TENM2: variants seen among roughly 807,000 people sequenced by gnomAD.
TENM2 encodes the protein teneurin-2.
TENM2 carries 52 observed loss-of-function variants against 245.2 expected under a neutral mutation model. The observed-to-expected ratio is 0.21, with a 90% CI of 0.17 to 0.27. The LOEUF (loss-of-function observed/expected upper bound fraction) is 0.27, where lower values mean the gene tolerates loss of function less well. Among genes scored for constraint, TENM2 ranks in the 10% least tolerant of loss-of-function variants. TENM2 has a pLI of 1.00. For missense variants in TENM2, 3,046 were observed against 3,666.8 expected (o/e 0.83, Z 4.37); for synonymous variants, 1,363 against 1,438.9 (o/e 0.95, Z 1.19).
chr5:168,012,774 G>GAAAAAAA (rs3056563), intron 5 of TENM2, among the ~76,000 whole-genome samples: 40 of 74,280 alleles, frequency 5.4e-4, no homozygotes, highest in African/African-American at 2.0e-3. Context: ...AAGAACAACT[G>GAAAAAAA]AAAAAAAAAA....
intron 2 of TENM2, among the ~76,000 whole-genome samples, chr5:167,727,171 G>A (rs1330756573): frequency 4.2e-5 from 6 of 144,158 alleles, no homozygotes; most frequent in Middle Eastern, 3.4e-3. Flanking sequence ...GTGCAGTGGC[G>A]TGATCTTGGC....
chr5:168,189,597 T>A (rs2152507862), intron 13 of TENM2, among the ~76,000 whole-genome samples: 1 of 152,194 alleles, frequency 6.6e-6, no homozygotes, highest in East Asian at 1.9e-4. Flanking sequence ...ATTTCCAGAT[T>A]CCCAAGCCAA....
intron 2 of TENM2, among the ~76,000 whole-genome samples, chr5:167,771,821 C>G (rs764883495): frequency 2.0e-5 from 3 of 152,176 alleles, no homozygotes; most frequent in Non-Finnish European, 4.4e-5. Context: ...AACTCAGAGC[C>G]AAAAACTCAT....
At chr5:168,050,094 T>C (rs1391385170) in intron 6 of TENM2, among the ~76,000 whole-genome samples, 2 of 152,140 alleles carry the variant, frequency 1.3e-5, no homozygotes, top group Non-Finnish European at 2.9e-5. Flanking sequence ...TGAGCCACTG[T>C]GCCCAGCAGA....
chr5:167,172,938 CA>C, the TENM2 span, among the ~76,000 whole-genome samples: 2 of 152,174 alleles, frequency 1.3e-5, no homozygotes, highest in African/African-American at 4.8e-5. Context: ...CATTTGCATT[CA>C]TTCCTGAATT....
the TENM2 span, among the ~76,000 whole-genome samples, chr5:167,029,717 CA>C: frequency 6.6e-6 from 1 of 152,162 alleles, no homozygotes; most frequent in Non-Finnish European, 1.5e-5. Context: ...TGCTGTGTGC[CA>C]GGGGCCATGG....
intron 1 of TENM2, among the ~76,000 whole-genome samples, chr5:167,308,887 A>G (rs1363442571): frequency 1.3e-5 from 2 of 152,074 alleles, no homozygotes; most frequent in South Asian, 2.1e-4. Flanking sequence ...ACAAAGGGAA[A>G]CCATTTTGGG....
intron 2 of TENM2, among the ~76,000 whole-genome samples, chr5:167,842,302 C>G (rs1769602423): frequency 6.6e-6 from 1 of 151,904 alleles, no homozygotes; most frequent in Non-Finnish European, 1.5e-5. Flanking sequence ...ACAAAAAAAA[C>G]TTTAGGCCAG....
At chr5:167,734,072 A>C (rs1437242654) in intron 2 of TENM2, among the ~76,000 whole-genome samples, 1 of 152,180 alleles carries the variant, frequency 6.6e-6, no homozygotes, top group Non-Finnish European at 1.5e-5. Context: ...TCTTATTTCC[A>C]CTATGTGCTG....
chr5:167,606,773 G>A (rs898171), intron 2 of TENM2, among the ~76,000 whole-genome samples: 99,213 of 152,006 alleles, frequency 0.65, 32,599 homozygotes, highest in Middle Eastern at 0.74. Context: ...AAATTTTTTC[G>A]TCTTCAAAAT....
chr5:167,819,166 C>T (rs1037565532), intron 2 of TENM2, among the ~76,000 whole-genome samples: 1 of 152,060 alleles, frequency 6.6e-6, no homozygotes, highest in Non-Finnish European at 1.5e-5. Context: ...GCCCAATTCC[C>T]ATTGCTTTTC....
chr5:167,539,512 A>G (rs925006430), intron 2 of TENM2, among the ~76,000 whole-genome samples: 1 of 152,130 alleles, frequency 6.6e-6, no homozygotes. Flanking sequence ...CCATTCTGTT[A>G]AGTTTTCTTT....
At chr5:167,105,264 G>A in the TENM2 span, among the ~76,000 whole-genome samples, 1 of 152,140 alleles carries the variant, frequency 6.6e-6, no homozygotes, top group Admixed American at 6.5e-5. Context: ...AAAAATTCAA[G>A]TGTTACCTTG....
intron 2 of TENM2, among the ~76,000 whole-genome samples, chr5:167,711,884 T>TTTCAGAGTAAC (rs1443334784): frequency 1.3e-5 from 2 of 152,238 alleles, no homozygotes. Flanking sequence ...GAGTAACTTA[T>TTTCAGAGTAAC]TTCAGAGTAA....
At chr5:168,046,592 G>A (rs1788627663) in intron 5 of TENM2, among the ~76,000 whole-genome samples, 1 of 152,164 alleles carries the variant, frequency 6.6e-6, no homozygotes, top group South Asian at 2.1e-4. Context: ...TGACAAGGAA[G>A]ACCAGAAGTT....
intron 9 of TENM2, among the ~76,000 whole-genome samples, chr5:168,112,614 G>GT (rs1554199698): frequency 5.0e-5 from 6 of 121,138 alleles, no homozygotes; most frequent in Non-Finnish European, 6.9e-5. Flanking sequence ...GGCGGGGGGG[G>GT]GGTCAAACTT....
intron 2 of TENM2, among the ~76,000 whole-genome samples, chr5:167,476,559 A>C (rs891487502): frequency 6.6e-6 from 1 of 152,160 alleles, no homozygotes; most frequent in East Asian, 1.9e-4. Context: ...CTTGAATTGA[A>C]TCACTGGCAA....
At chr5:167,480,818 A>C (rs532389850) in intron 2 of TENM2, among the ~76,000 whole-genome samples, 1 of 152,298 alleles carries the variant, frequency 6.6e-6, no homozygotes, top group African/African-American at 2.4e-5. Flanking sequence ...AATAACACAT[A>C]AACATAAGAT....
chr5:168,226,116 G>A lies in TENM2; in HGVS notation c.5137G>A (p.Val1713Met), dbSNP rs369050319. 4.6e-5 allele frequency: 74 copies of A among 1,613,652 alleles called. No homozygotes were observed. The Middle Eastern group carries it at 1.0e-3, about 22-fold the overall frequency. Reference sequence around the variant, plus strand: ...TGACCACGAAGGCCGCCTGACCAACGTGACGCGCCCCACGGGGGTGGTAAC... The same window carrying A: ...TGACCACGAAGGCCGCCTGACCAACATGACGCGCCCCACGGGGGTGGTAAC... Residue 1713 changes from valine (V) to methionine (M), a missense_variant, in exon 24 of 29, where the codon GTG becomes ATG. Physicochemically the swap from Val to Met is conservative, Grantham distance 21 (BLOSUM62 1). Transcript: ENST00000518659.
Sources: allele counts gnomAD v4.1 joint callset (sites outside exome capture counted in the v4.1 genomes callset), GRCh38; gene constraint gnomAD v4.1.1; transcripts MANE v1.5; gene names NCBI Gene and HGNC (gene_info 2026-07-23, HGNC 2026-07-21).